Variants in TTLL5 observed in about 807,000 individuals in gnomAD.
TTLL5 encodes the protein tubulin tyrosine ligase like 5.
A neutral mutation model predicts 168.4 loss-of-function variants in TTLL5; 132 were observed. The ratio of observed to expected loss-of-function variants is 0.78; its 90% CI spans 0.68 to 0.91. The LOEUF (loss-of-function observed/expected upper bound fraction) is 0.91. Among genes scored for constraint, TTLL5 ranks in the 40% least tolerant of loss-of-function variants. The pLI, the probability that TTLL5 is intolerant of heterozygous loss-of-function variation, is 0.00. For missense variants in TTLL5, 1,545 were observed against 1,581.5 expected, an observed-to-expected ratio of 0.98 and a Z score of 0.39; for synonymous variants, 546 against 558.6, an observed-to-expected ratio of 0.98 and a Z score of 0.32.
intron 18 of TTLL5, among the ~76,000 whole-genome samples, chr14:75,760,645 A>C (rs1267091938): frequency 6.6e-6 from 1 of 152,114 alleles, no homozygotes. Context: ...AAATAGACCC[A>C]CATTTATATG....
At chr14:75,921,984 A>G (rs966147125) in intron 31 of TTLL5, among the ~76,000 whole-genome samples, 13 of 152,098 alleles carry the variant, frequency 8.5e-5, no homozygotes, top group African/African-American at 2.9e-4. Flanking sequence ...TTCTCTTTGT[A>G]GCAATTGTGA....
chr14:75,722,531 C>T (rs891003311), intron 12 of TTLL5, among the ~76,000 whole-genome samples: 31 of 152,158 alleles, frequency 2.0e-4, no homozygotes, highest in Admixed American at 7.9e-4. Context: ...TACACTCAGC[C>T]GTGTCTGAGT....
intron 31 of TTLL5, among the ~76,000 whole-genome samples, chr14:75,924,573 C>T (rs1195395273): frequency 4.0e-5 from 6 of 151,894 alleles, no homozygotes; most frequent in Admixed American, 3.9e-4. Flanking sequence ...GGACACAGCA[C>T]ATGTTTCAGA....
At chr14:75,857,247 A>G (rs1391446718) in intron 28 of TTLL5, among the ~76,000 whole-genome samples, 1 of 152,196 alleles carries the variant, frequency 6.6e-6, no homozygotes, top group African/African-American at 2.4e-5. Flanking sequence ...CGGTATTAAT[A>G]TATGACTTTT....
At chr14:75,731,643 A>C (rs1210052532) in intron 12 of TTLL5, among the ~76,000 whole-genome samples, 1 of 152,110 alleles carries the variant, frequency 6.6e-6, no homozygotes, top group Admixed American at 6.6e-5. Context: ...ACCCTTCTTA[A>C]ATAATATTAG....
chr14:75,742,278 G>C (rs1321078385), intron 15 of TTLL5, among the ~76,000 whole-genome samples: 1 of 152,140 alleles, frequency 6.6e-6, no homozygotes, highest in Non-Finnish European at 1.5e-5. Context: ...TTTGAGATTT[G>C]AGGCTGTTTC....
intron 15 of TTLL5, among the ~76,000 whole-genome samples, chr14:75,740,798 G>A (rs1412642084): frequency 6.6e-6 from 1 of 151,940 alleles, no homozygotes; most frequent in African/African-American, 2.4e-5. Flanking sequence ...TTTTTTAGAT[G>A]GTAAAATGTA....
At chr14:75,888,613 G>T (rs1362904794) in intron 30 of TTLL5, among the ~76,000 whole-genome samples, 1 of 152,142 alleles carries the variant, frequency 6.6e-6, no homozygotes, top group Non-Finnish European at 1.5e-5. Flanking sequence ...GCAATAGGTG[G>T]TATAGCTTAA....
chr14:75,695,364 A>G (rs147813552), intron 6 of TTLL5, among the ~76,000 whole-genome samples: 2,001 of 152,294 alleles, frequency 0.013, 19 homozygotes, highest in South Asian at 0.036. Flanking sequence ...ATCAATGACA[A>G]TGCGTGCCCA....
Position 75,735,196 on chromosome 14 carries a change from A to T in TTLL5, c.1188A>T (p.Gly396=), listed in dbSNP as rs1440124887. 2 of 1,614,168 alleles carry T rather than the reference A, an allele frequency of 1.2e-6. No homozygotes were observed. The highest frequency in any genetic ancestry group is 2.2e-5 in the South Asian group (2 of 91,088). ...SMISDMFTVV[G]FVCQDPAQRA... Reference sequence around the variant, plus strand: ...TAATGTTGCCCATTCCCCATTCAGGATTTGTGTGCCAAGATCCTGCCCAGC... The same window carrying T: ...TAATGTTGCCCATTCCCCATTCAGGTTTTGTGTGCCAAGATCCTGCCCAGC... The change falls in exon 15 of 32, where the codon GGA becomes GGT. Residue 396 remains glycine (G), a splice_region_variant and synonymous_variant. Transcript: ENST00000298832.
intron 31 of TTLL5, among the ~76,000 whole-genome samples, chr14:75,952,813 A>G (rs944930766): frequency 1.3e-5 from 2 of 152,218 alleles, no homozygotes; most frequent in Admixed American, 6.5e-5. Context: ...AGGCAAATCT[A>G]TAGAGACAGA....
chr14:75,775,411 C>A (rs1461678052), intron 21 of TTLL5, 73 bp from the exon 22 acceptor site: 3 of 1,514,524 alleles, frequency 2.0e-6, no homozygotes, highest in East Asian at 2.3e-5. Context: ...TTATATAATG[C>A]CTTCATAGCT....
At chr14:75,691,165 C>CTAAG (rs1328015175) in intron 6 of TTLL5, among the ~76,000 whole-genome samples, 2 of 152,190 alleles carry the variant, frequency 1.3e-5, no homozygotes, top group Non-Finnish European at 2.9e-5. Flanking sequence ...AAATAGGCAC[C>CTAAG]TAAGTGTCAG....
intron 29 of TTLL5, among the ~76,000 whole-genome samples, chr14:75,870,797 GTTT>G (rs551516323): frequency 2.2e-5 from 3 of 138,958 alleles, no homozygotes; most frequent in Non-Finnish European, 1.6e-5. Context: ...GCTTGCTTTG[GTTT>G]TTTTTTTTTT....
intron 18 of TTLL5, chr14:75,757,846 A>ATC: frequency 6.3e-7 from 1 of 1,593,016 alleles, no homozygotes; most frequent in Non-Finnish European, 8.5e-7. Context: ...ACCCAAGAAG[A>ATC]AGCTTATTGA....
At chr14:75,716,530 A>G (rs1289958568) in intron 9 of TTLL5, among the ~76,000 whole-genome samples, 1 of 152,174 alleles carries the variant, frequency 6.6e-6, no homozygotes, top group Non-Finnish European at 1.5e-5. Flanking sequence ...GTGAAAATTC[A>G]TGTTGACTTC....
At chr14:75,720,805 G>C (rs1566827153) in intron 12 of TTLL5, 102 bp downstream of exon 12, 1 of 898,002 alleles carries the variant, frequency 1.1e-6, no homozygotes, top group Non-Finnish European at 1.8e-6. Context: ...AGCAGTAAGA[G>C]GTATGTGATG....
intron 31 of TTLL5, among the ~76,000 whole-genome samples, chr14:75,927,722 C>T (rs925208453): frequency 3.9e-5 from 6 of 152,132 alleles, no homozygotes; most frequent in Non-Finnish European, 7.4e-5. Flanking sequence ...AGCAGCTGTC[C>T]CTGGGCCTGG....
intron 30 of TTLL5, among the ~76,000 whole-genome samples, chr14:75,893,404 A>C (rs1292907536): frequency 1.3e-5 from 2 of 152,244 alleles, no homozygotes; most frequent in Non-Finnish European, 2.9e-5. Flanking sequence ...ACAAAGGAAC[A>C]CAGAGTACCA....
Sources: allele counts gnomAD v4.1 joint callset (sites outside exome capture counted in the v4.1 genomes callset), GRCh38; gene constraint gnomAD v4.1.1; transcripts MANE v1.5; gene names NCBI Gene and HGNC (gene_info 2026-07-23, HGNC 2026-07-21).